Variants in WDR20 observed in about 807,000 individuals in gnomAD.
The protein encoded by WDR20 is WD repeat domain 20.
WDR20 carries 3 observed loss-of-function variants against 38.7 expected under a neutral mutation model. That is an observed-to-expected ratio of 0.08 (90% CI 0.04 to 0.20). The LOEUF is 0.20. WDR20 is among the 10% of genes least tolerant of loss of function. The pLI, the probability that WDR20 is intolerant of heterozygous loss-of-function variation, is 1.00. For synonymous variants in WDR20, 298 were observed against 285.6 expected (o/e 1.04, Z -0.44); for missense variants, 559 against 727.7 (o/e 0.77, Z 2.67).
chr14:102,152,941 G>C (rs2056412449), intron 1 of WDR20, among the ~76,000 whole-genome samples: 1 of 152,192 alleles, frequency 6.6e-6, no homozygotes, highest in South Asian at 2.1e-4. Context: ...AGGACTAGGA[G>C]TCTCATTGGG....
chr14:102,174,961 C>T (rs1243291209), intron 1 of WDR20, among the ~76,000 whole-genome samples: 1 of 152,028 alleles, frequency 6.6e-6, no homozygotes, highest in African/African-American at 2.4e-5. Flanking sequence ...AGATATTAGT[C>T]CTTTGCTGGA....
Position 102,220,034 on chromosome 14 carries a change from GAATAGGAA to G in WDR20, c.1693-2795_1693-2788del, listed in dbSNP as rs1444417127. ...GTGCATTTGTTTTGTGCTAATGGGAGAATAGGAAGCCTGCAGCCCTCGCGTTGGGTCGC... is the reference window on the plus strand; with the variant it reads ...GTGCATTTGTTTTGTGCTAATGGGAGGCCTGCAGCCCTCGCGTTGGGTCGC... On this transcript the variant is annotated intron_variant, in intron 3 of 3. Coordinates refer to the WDR20 transcript ENST00000335263. This position sits in a 1 kb window ranked among gnomAD's most constrained non-coding sequence, Gnocchi z 4.2. 6.6e-6 allele frequency among the ~76,000 whole-genome samples: 1 copy of G among 152,240 alleles called. No homozygotes were observed. The highest frequency in any genetic ancestry group is 1.5e-5 in the Non-Finnish European group (1 of 68,044).
At chr14:102,191,201 G>A (rs1228133126) in intron 1 of WDR20, 1 of 152,162 alleles carries the variant, frequency 6.6e-6, no homozygotes, top group Non-Finnish European at 1.5e-5. Flanking sequence ...CTTTGCCCAA[G>A]GCCACTTGGC....
downstream of WDR20, among the ~76,000 whole-genome samples, chr14:102,224,082 T>C (rs199585081): frequency 0.011 from 1,595 of 148,960 alleles, 31 homozygotes; most frequent in African/African-American, 0.036. Context: ...CCCTCTGTTG[T>C]CCAGGCTGGA....
chr14:102,223,150 A>G (rs962088157), exon 4 of WDR20: 5 of 281,002 alleles, frequency 1.8e-5, no homozygotes, highest in East Asian at 1.5e-4. Flanking sequence ...CTAAAATTCA[A>G]TGTAATTAAA....
chr14:102,201,883 G>T (rs949807206), intron 2 of WDR20, among the ~76,000 whole-genome samples: 2 of 152,040 alleles, frequency 1.3e-5, no homozygotes, highest in Admixed American at 6.6e-5. Context: ...CCTTCCCTCC[G>T]CCTCCTCGCT....
intron 1 of WDR20, among the ~76,000 whole-genome samples, chr14:102,151,463 A>G (rs2055831514): frequency 6.6e-6 from 1 of 150,734 alleles, no homozygotes; most frequent in Non-Finnish European, 1.5e-5. Flanking sequence ...TGGCTCAATC[A>G]TAGCTCACTG....
intron 1 of WDR20, among the ~76,000 whole-genome samples, chr14:102,176,362 TC>T (rs1367526949): frequency 2.0e-5 from 3 of 151,176 alleles, no homozygotes; most frequent in Non-Finnish European, 4.4e-5. Flanking sequence ...GCCACTGTAC[TC>T]CAGCCTGGGC....
downstream of WDR20, chr14:102,214,334 C>A: frequency 2.0e-6 from 2 of 985,418 alleles, no homozygotes; most frequent in Non-Finnish European, 2.4e-6. Flanking sequence ...ATCACAGCGA[C>A]CCCAAGTGAT....
intron 1 of WDR20, among the ~76,000 whole-genome samples, chr14:102,186,476 T>C (rs1267206597): frequency 6.6e-6 from 1 of 152,188 alleles, no homozygotes; most frequent in Non-Finnish European, 1.5e-5. Context: ...TGAGCTTTGT[T>C]CAAAAGGTGA....
chr14:102,210,158 A>C lies in WDR20; in HGVS notation c.*278A>C, dbSNP rs551191439. On this transcript the variant is annotated 3_prime_UTR_variant, in exon 3 of 3. Coordinates refer to ENST00000342702, the MANE Select transcript of WDR20 (RefSeq NM_144574.4). ...AAGGTTAGCGCTCCTGTATTAGACT[A>C]TTTCAATTTTAGGAAAATCATGACC... The C allele has an allele frequency of 9.0e-7, 1 of 1,110,814 alleles. No homozygotes were observed. Among genetic ancestry groups the C allele is most frequent in the Non-Finnish European group, 1.1e-6 (1 of 910,548 alleles). The allele number at this position is 1,110,814 out of a possible 1,614,324, so 68.8% of individuals were successfully genotyped here. A position where few individuals can be genotyped will look rare whatever the true frequency, so the allele number is the denominator to read the frequency against.
chr14:102,202,183 C>T (rs1467695748), intron 2 of WDR20, among the ~76,000 whole-genome samples: 2 of 151,756 alleles, frequency 1.3e-5, no homozygotes, highest in Non-Finnish European at 2.9e-5. Context: ...TCCTAAGGAC[C>T]ACCCCCTCCC....
At chr14:102,182,746 T>G (rs1181725238) in intron 1 of WDR20, among the ~76,000 whole-genome samples, 1 of 152,008 alleles carries the variant, frequency 6.6e-6, no homozygotes, top group African/African-American at 2.4e-5. Flanking sequence ...GCAAAAAATA[T>G]TATCTAAATA....
chr14:102,222,765 G>T lies in WDR20; in HGVS notation c.1693-65G>T. 1 of 1,584,762 alleles carries T rather than the reference G, an allele frequency of 6.3e-7. No individual in the cohort carries two copies. The highest frequency in any genetic ancestry group is 8.7e-7 in the Non-Finnish European group (1 of 1,154,228). On this transcript the variant is annotated intron_variant, in intron 3 of 3. Coordinates refer to the WDR20 transcript ENST00000335263. The surrounding 1 kb of genome is among the most constrained non-coding windows in gnomAD (Gnocchi z 4.4). Reference sequence around the variant, plus strand: ...GACCACGTGGAGCTGCTGGCGGAGGGCGCGCATGGTGGCTGTTGCCCGTCC... The same window carrying T: ...GACCACGTGGAGCTGCTGGCGGAGGTCGCGCATGGTGGCTGTTGCCCGTCC...
chr14:102,175,398 C>T (rs566388593), intron 1 of WDR20, among the ~76,000 whole-genome samples: 4 of 152,114 alleles, frequency 2.6e-5, no homozygotes, highest in Admixed American at 6.6e-5. Context: ...TGTTATGTTC[C>T]GTTGGTCTGT....
chr14:102,159,276 G>T (rs954657559), intron 1 of WDR20, among the ~76,000 whole-genome samples: 1 of 152,064 alleles, frequency 6.6e-6, no homozygotes, highest in Non-Finnish European at 1.5e-5. Flanking sequence ...TGTGCCTCCA[G>T]TTGCTGCTGG....
At chr14:102,219,357 G>A (rs553133818), downstream of WDR20, among the ~76,000 whole-genome samples, 14 of 152,334 alleles carry the variant, frequency 9.2e-5, no homozygotes, top group South Asian at 4.1e-4. Context: ...AGTCCTCAGC[G>A]GCATGCAGGG....
chr14:102,191,981 A>C (rs907441197), intron 1 of WDR20, among the ~76,000 whole-genome samples: 5 of 152,248 alleles, frequency 3.3e-5, no homozygotes, highest in Non-Finnish European at 5.9e-5. Context: ...TTATCATTAC[A>C]TTCAACAGAT....
intron 2 of WDR20, among the ~76,000 whole-genome samples, chr14:102,200,465 TTTTG>T (rs890438341): frequency 7.5e-4 from 74 of 98,684 alleles, no homozygotes; most frequent in Admixed American, 2.6e-3. Flanking sequence ...AAATTTTTTT[TTTTG>T]TGTGTGTGTG....
Sources: allele counts gnomAD v4.1 joint callset (sites outside exome capture counted in the v4.1 genomes callset), GRCh38; gene constraint gnomAD v4.1.1; non-coding constraint Gnocchi (gnomAD v3.1); transcripts MANE v1.5; gene names NCBI Gene and HGNC (gene_info 2026-07-23, HGNC 2026-07-21).